Variants in RFTN1 observed in about 807,000 individuals in gnomAD.
RFTN1 encodes raftlin.
RFTN1 carries 26 observed loss-of-function variants against 46.5 expected under a neutral mutation model. The observed-to-expected ratio is 0.56, with a 90% CI of 0.41 to 0.78. RFTN1 has a LOEUF of 0.78. Ranked by LOEUF, RFTN1 falls within the 30% of genes least tolerant of loss-of-function variation. The probability of loss-of-function intolerance (pLI) is 0.00; values close to 1 mark genes in which losing one functional copy is unlikely to be tolerated. For missense variants in RFTN1, 693 were observed against 718.7 expected, an observed-to-expected ratio of 0.96 and a Z score of 0.41; for synonymous variants, 261 against 284.2, an observed-to-expected ratio of 0.92 and a Z score of 0.82.
In RFTN1 at chr3:16,407,941, G is replaced by A. The variant is rs980102171; in HGVS notation, c.441+1434C>T. On this transcript the variant is annotated intron_variant, in intron 4 of 9. Coordinates refer to ENST00000334133, the MANE Select transcript of RFTN1 (RefSeq NM_015150.2). The surrounding 1 kb of genome is among the most constrained non-coding windows in gnomAD (Gnocchi z 4.0). ...ACCCATACATGAGCGGCTACTCCCA[G>A]AGTCCCTGGAGCCTGAACACTCAAT... Among the ~76,000 whole-genome samples, 3 of 152,146 alleles carry A rather than the reference G, an allele frequency of 2.0e-5. No homozygotes were observed. The highest frequency in any genetic ancestry group is 2.1e-4 in the South Asian group (1 of 4,814).
chr3:16,406,644 C>G (rs2074864591), intron 4 of RFTN1, among the ~76,000 whole-genome samples: 1 of 152,182 alleles, frequency 6.6e-6, no homozygotes, highest in Admixed American at 6.5e-5. Context: ...ACGTTAAGAA[C>G]AGAATTCTTA....
rs2076654189 is a variant in RFTN1, at chr3:16,498,227, T to G, written c.-8-4350A>C. 6.6e-6 allele frequency among the ~76,000 whole-genome samples: 1 copy of G among 152,234 alleles called. No individual in the cohort carries two copies. Among genetic ancestry groups the G allele is most frequent in the Non-Finnish European group, 1.5e-5 (1 of 68,046 alleles). ...CTGCAACTTAGTTTAGTAGGTAAAC[T>G]ATATAAAAGCCTAACTTAGGATGTA... On this transcript the variant is annotated intron_variant, in intron 1 of 9. Coordinates refer to ENST00000334133, the MANE Select transcript of RFTN1 (RefSeq NM_015150.2). This position sits in a 1 kb window ranked among gnomAD's most constrained non-coding sequence, Gnocchi z 5.2.
chr3:16,357,858 C>A, intron 7 of RFTN1, 74 bp downstream of exon 7: 1 of 924,818 alleles, frequency 1.1e-6, no homozygotes, highest in South Asian at 1.4e-5. Flanking sequence ...CACAGCCCCA[C>A]GGTCAGATCA....
intron 8 of RFTN1, among the ~76,000 whole-genome samples, chr3:16,325,126 T>A (rs1309187853): frequency 6.6e-6 from 1 of 152,250 alleles, no homozygotes; most frequent in African/African-American, 2.4e-5. Flanking sequence ...AGAACTAATA[T>A]TTACTCTGCA....
In RFTN1 at chr3:16,324,847, G is replaced by A. The variant is rs554473240; in HGVS notation, c.1251-1390C>T. Among the ~76,000 whole-genome samples, 29 of 152,048 alleles carry A rather than the reference G, an allele frequency of 1.9e-4. 1 individual carries two copies. Among genetic ancestry groups the A allele is most frequent in the Admixed American group, 1.5e-3 (23 of 15,272 alleles). ...TCCTTTGGATATATACCTAGAAGTG[G>A]GTTTGCTGGATCATGTGCTAAGTCT... is the stretch of plus-strand genomic sequence containing the variant. On this transcript the variant is annotated intron_variant, in intron 8 of 9. Transcript: ENST00000334133.
In RFTN1 at chr3:16,503,575, A is replaced by G. The variant is rs531775703; in HGVS notation, c.-8-9698T>C. Among the ~76,000 whole-genome samples, 13 of 152,198 alleles carry G rather than the reference A, an allele frequency of 8.5e-5. No individual in the cohort carries two copies. The East Asian group carries it at 2.3e-3, about 27-fold the overall frequency. On this transcript the variant is annotated intron_variant, in intron 1 of 9. Coordinates refer to ENST00000334133, the MANE Select transcript of RFTN1 (RefSeq NM_015150.2). ...CTTTTCCCACTCCTAGCCCTCTCCA[A>G]TCTCCTAATAGCCAGGACTCAGCAG...
At position 16,500,314 on chromosome 3, in the gene RFTN1, G is replaced by A. The variant is rs1414585712; in HGVS notation, c.-8-6437C>T. On this transcript the variant is annotated intron_variant, in intron 1 of 9. Transcript: ENST00000334133. The surrounding 1 kb of genome is among the most constrained non-coding windows in gnomAD (Gnocchi z 5.9). ...ATCAGCTTTGATTGACAGGTGTCCA[G>A]GCATTTGTTTCTCTTTTTATATTTT... is the stretch of plus-strand genomic sequence containing the variant. 6.6e-6 allele frequency among the ~76,000 whole-genome samples: 1 copy of A among 152,144 alleles called. No homozygotes were observed. The highest frequency in any genetic ancestry group is 2.4e-5 in the African/African-American group (1 of 41,428).
Position 16,475,531 on chromosome 3 carries a change from C to A in RFTN1, c.145+18194G>T, listed in dbSNP as rs933336501. On this transcript the variant is annotated intron_variant, in intron 2 of 9. Transcript: ENST00000334133. The surrounding 1 kb of genome is among the most constrained non-coding windows in gnomAD (Gnocchi z 4.2). ...TACCCTACTGGGTGAGGTGAATGAT[C>A]CCAATTTCCACAGGGAAACTGGACT... is the stretch of plus-strand genomic sequence containing the variant. Among the ~76,000 whole-genome samples, 1 of 152,182 alleles carries A rather than the reference C, an allele frequency of 6.6e-6. No homozygotes were observed. Among genetic ancestry groups the A allele is most frequent in the East Asian group, 1.9e-4 (1 of 5,190 alleles).
intron 2 of RFTN1, among the ~76,000 whole-genome samples, chr3:16,467,126 T>C (rs2076109614): frequency 6.6e-6 from 1 of 152,194 alleles, no homozygotes; most frequent in Non-Finnish European, 1.5e-5. Flanking sequence ...AAGGAAATCA[T>C]GATCGTAGTC....
Position 16,440,690 on chromosome 3 carries a change from G to T in RFTN1, c.146-6653C>A, listed in dbSNP as rs73022288. Among the ~76,000 whole-genome samples, 6,879 of 152,038 alleles carry T rather than the reference G, an allele frequency of 0.045. 213 individuals are homozygous for T. Among genetic ancestry groups the T allele is most frequent in the Middle Eastern group, 0.068 (20 of 294 alleles). On this transcript the variant is annotated intron_variant, in intron 2 of 9. Coordinates refer to ENST00000334133, the MANE Select transcript of RFTN1 (RefSeq NM_015150.2). This position sits in a 1 kb window ranked among gnomAD's most constrained non-coding sequence, Gnocchi z 4.6. ...GGGACAAGATGGTTACTGCTAATGG[G>T]GGGGGGGCCCAATGGTGCCAGAACT...
intron 2 of RFTN1, 97 bp downstream of exon 2, chr3:16,493,628 C>A: frequency 8.5e-7 from 1 of 1,173,346 alleles, no homozygotes; most frequent in Non-Finnish European, 1.2e-6. Flanking sequence ...TCTTCACAGC[C>A]CCCACCCCAT....
chr3:16,490,181 C>T (rs911631808), intron 2 of RFTN1, among the ~76,000 whole-genome samples: 1 of 152,162 alleles, frequency 6.6e-6, no homozygotes, highest in Non-Finnish European at 1.5e-5. Context: ...AAGGCTTGGT[C>T]CTTGCCCTGA....
In RFTN1 at chr3:16,509,724, G is replaced by A. The variant is rs1482747680; in HGVS notation, c.-9+3718C>T. Among the ~76,000 whole-genome samples, 1 of 152,084 alleles carries A rather than the reference G, an allele frequency of 6.6e-6. No individual in the cohort carries two copies. The highest frequency in any genetic ancestry group is 1.5e-5 in the Non-Finnish European group (1 of 68,020). ...ATACATCCTGGGGCCCTGACATCTT[G>A]ACACCCACTGTCAACCTCCAGAGAG... On this transcript the variant is annotated intron_variant, in intron 1 of 9. Transcript: ENST00000334133. This position sits in a 1 kb window ranked among gnomAD's most constrained non-coding sequence, Gnocchi z 4.9.
At chr3:16,340,334 C>CAGGTTAGGTTA (rs1223945273) in intron 7 of RFTN1, among the ~76,000 whole-genome samples, 1 of 152,226 alleles carries the variant, frequency 6.6e-6, no homozygotes, top group Non-Finnish European at 1.5e-5. Flanking sequence ...TGGCTGCCAT[C>CAGGTTAGGTTA]CTGTGAAGAG....
rs1221510963 is a variant in RFTN1 at position 16,418,378 on chromosome 3, T to A, written c.333-8895A>T. On this transcript the variant is annotated intron_variant, in intron 3 of 9. Transcript: ENST00000334133. The surrounding 1 kb of genome is among the most constrained non-coding windows in gnomAD (Gnocchi z 5.0). ...CATTTTGGCTCATAAATCCCTTAGATCTCTTCAAAGACCATGAGTTTAAAC... is the reference window on the plus strand; with the variant it reads ...CATTTTGGCTCATAAATCCCTTAGAACTCTTCAAAGACCATGAGTTTAAAC... Among the ~76,000 whole-genome samples, 1 of 152,152 alleles carries A rather than the reference T, an allele frequency of 6.6e-6. No homozygotes were observed. Among genetic ancestry groups the A allele is most frequent in the Non-Finnish European group, 1.5e-5 (1 of 68,026 alleles).
rs1575233677 is a variant in RFTN1, at chr3:16,320,348, C to T, written c.1332+3028G>A. ...CTGATTAAAAGAAGACTAAATATGC[C>T]ACATCCTCGGTGTGCCAATCTTGCA... On this transcript the variant is annotated intron_variant, in intron 9 of 9. Coordinates refer to ENST00000334133, the MANE Select transcript of RFTN1 (RefSeq NM_015150.2). This position sits in a 1 kb window ranked among gnomAD's most constrained non-coding sequence, Gnocchi z 4.5. 6.6e-6 allele frequency among the ~76,000 whole-genome samples: 1 copy of T among 152,174 alleles called. No homozygotes were observed. Among genetic ancestry groups the T allele is most frequent in the East Asian group, 1.9e-4 (1 of 5,202 alleles).
rs564555617 is a variant in RFTN1 at position 16,327,300 on chromosome 3, G to T, written c.1147-424C>A. ...CTTACATTTGACAAATGATCAAGTCGTTTATGTCCAGCCACAGCAACACAC... is the reference window on the plus strand; with the variant it reads ...CTTACATTTGACAAATGATCAAGTCTTTTATGTCCAGCCACAGCAACACAC... On this transcript the variant is annotated intron_variant, in intron 7 of 9. Coordinates refer to ENST00000334133, the MANE Select transcript of RFTN1 (RefSeq NM_015150.2). The surrounding 1 kb of genome is among the most constrained non-coding windows in gnomAD (Gnocchi z 4.2). Among the ~76,000 whole-genome samples the T allele has an allele frequency of 1.3e-5, 2 of 152,262 alleles. No homozygotes were observed. Among genetic ancestry groups the T allele is most frequent in the African/African-American group, 4.8e-5 (2 of 41,550 alleles).
intron 4 of RFTN1, among the ~76,000 whole-genome samples, chr3:16,388,834 A>T (rs191197594): frequency 2.7e-4 from 41 of 152,300 alleles, no homozygotes; most frequent in African/African-American, 9.4e-4. Flanking sequence ...AGTTTTTTGG[A>T]GTTGCTGAGG....
At chr3:16,416,135 G>A (rs2075075517) in intron 3 of RFTN1, 1 of 452,190 alleles carries the variant, frequency 2.2e-6, no homozygotes, top group Non-Finnish European at 4.4e-6. Flanking sequence ...GATTTGAGAG[G>A]CTGTATTTCA....
Sources: allele counts gnomAD v4.1 joint callset (sites outside exome capture counted in the v4.1 genomes callset), GRCh38; gene constraint gnomAD v4.1.1; non-coding constraint Gnocchi (gnomAD v3.1); transcripts MANE v1.5; gene names NCBI Gene and HGNC (gene_info 2026-07-23, HGNC 2026-07-21).